Variants in IL17C observed in about 807,000 individuals in gnomAD.
The protein encoded by IL17C is interleukin-17C.
Under a neutral mutation model 11.0 loss-of-function variants are expected in IL17C, and 13 were observed. The observed-to-expected ratio is 1.18, with a 90% CI of 0.77 to 1.88. The LOEUF is 1.88. Among genes scored for constraint, IL17C ranks in the 40% most tolerant of loss-of-function variants. The pLI is 0.00. For missense variants in IL17C, 357 were observed against 278.2 expected, an observed-to-expected ratio of 1.28 and a Z score of -2.01; for synonymous variants, 150 against 125.8, an observed-to-expected ratio of 1.19 and a Z score of -1.29.
rs373470890 is a variant in IL17C, at chr16:88,639,883, C to T, written c.405C>T (p.Ile135=). 271 of 1,606,912 alleles carry T rather than the reference C, an allele frequency of 1.7e-4. 2 individuals are homozygous for T. In the East Asian group the frequency reaches 3.3e-3, roughly 20 times the overall value. The change falls in exon 3 of 3, where the codon ATC becomes ATT. Residue 135 remains isoleucine, a synonymous_variant. Transcript: ENST00000244241. The surrounding 1 kb of genome is among the most constrained non-coding windows in gnomAD (Gnocchi z 5.1). ...CCGAGTGCCTGTGCAGAGGCTGTAT[C>T]GATGCACGGACGGGCCGCGAGACAG... ...AFAECLCRGC[I]DARTGRETAA...
rs1907000034 is a variant in IL17C, at chr16:88,639,671, C to A, written c.336-143C>A. 1 of 1,020,382 alleles carries A rather than the reference C, an allele frequency of 9.8e-7. No individual in the cohort carries two copies. The highest frequency in any genetic ancestry group is 1.4e-6 in the Non-Finnish European group (1 of 726,620). 63.2% of individuals were successfully genotyped at this position (1,020,382 alleles called of 1,614,324 possible). On this transcript the variant is annotated intron_variant, in intron 2 of 2. Coordinates refer to ENST00000244241, the MANE Select transcript of IL17C (RefSeq NM_013278.4). The surrounding 1 kb of genome is among the most constrained non-coding windows in gnomAD (Gnocchi z 5.1). Reference sequence around the variant, plus strand: ...GACGTGGATTACCACCACATGTGAGCCCGACTGCACCCCAAGCCCGTGTGG... The same window carrying A: ...GACGTGGATTACCACCACATGTGAGACCGACTGCACCCCAAGCCCGTGTGG...
Position 88,639,255 on chromosome 16 carries a change from A to T in IL17C, c.281A>T (p.Glu94Val), listed in dbSNP as rs1906986147. The T allele has an allele frequency of 6.2e-7, 1 of 1,612,036 alleles. No individual in the cohort carries two copies. Among genetic ancestry groups the T allele is most frequent in the Non-Finnish European group, 8.5e-7 (1 of 1,179,610 alleles). The change falls in exon 2 of 3, where the codon GAG becomes GTG. Residue 94 changes from glutamate to valine, a missense_variant. By Grantham distance (121) the Glu-to-Val change is moderately radical. Transcript: ENST00000244241. This position sits in a 1 kb window ranked among gnomAD's most constrained non-coding sequence, Gnocchi z 5.1. The stretch of plus-strand genomic sequence containing the variant: ...ACCCAGTGCCCGGTGCTGCGGCCGG[A>T]GGAGGTGTTGGAGGCAGACACCCAC... ...ATTQCPVLRP[E>V]EVLEADTHQR...
intron 1 of IL17C, 147 bp from the exon 2 acceptor site, chr16:88,638,834 G>C (rs1906968649): frequency 3.4e-6 from 4 of 1,162,964 alleles, no homozygotes; most frequent in Non-Finnish European, 5.0e-6. Context: ...TTGGGCTGAA[G>C]GGCTAGCCTC....
In IL17C at chr16:88,639,717, G is replaced by T; in HGVS notation, c.336-97G>T. ...TGTGGCTCAGCCCTCGCTGCCTCAG[G>T]TCCTATCCTGAGTACACGGAGAGGG... On this transcript the variant is annotated intron_variant, in intron 2 of 2. Coordinates refer to ENST00000244241, the MANE Select transcript of IL17C (RefSeq NM_013278.4). The surrounding 1 kb of genome is among the most constrained non-coding windows in gnomAD (Gnocchi z 5.1). The T allele has an allele frequency of 7.2e-7, 1 of 1,391,230 alleles. No homozygotes were observed. Among genetic ancestry groups the T allele is most frequent in the South Asian group, 1.5e-5 (1 of 67,516 alleles). 86.2% of individuals were successfully genotyped at this position (1,391,230 alleles called of 1,614,324 possible).
intron 1 of IL17C, 48 bp downstream of exon 1, chr16:88,638,695 G>A: frequency 1.9e-6 from 3 of 1,612,908 alleles, no homozygotes; most frequent in Non-Finnish European, 2.5e-6. Flanking sequence ...TGGATGTGCA[G>A]CCTGGCATGG....
Position 88,639,375 on chromosome 16 carries a change from G to A in IL17C, c.335+66G>A, listed in dbSNP as rs569238943. 2.3e-3 allele frequency: 3,257 copies of A among 1,419,656 alleles called. 40 individuals carry two copies. Among genetic ancestry groups the A allele is most frequent in the Non-Finnish European group, 1.3e-3 (1,428 of 1,067,242 alleles). 87.9% of individuals were successfully genotyped at this position (1,419,656 alleles called of 1,614,324 possible). ...TCCCCTGGCGGGGCCCTGACTGCCCGGAGAGCTCTCTGGGCCTTGGTGGTT... is the reference window on the plus strand; with the variant it reads ...TCCCCTGGCGGGGCCCTGACTGCCCAGAGAGCTCTCTGGGCCTTGGTGGTT... On this transcript the variant is annotated intron_variant, in intron 2 of 2. Coordinates refer to ENST00000244241, the MANE Select transcript of IL17C (RefSeq NM_013278.4). This position sits in a 1 kb window ranked among gnomAD's most constrained non-coding sequence, Gnocchi z 5.1.
rs184553223 is a variant in IL17C, at chr16:88,638,806, G to A, written c.6+159G>A. 9.0e-4 allele frequency: 1,112 copies of A among 1,240,022 alleles called. 2 individuals carry two copies. The highest frequency in any genetic ancestry group is 1.0e-3 in the Non-Finnish European group (894 of 854,062). The allele number at this position is 1,240,022 out of a possible 1,614,324, so 76.8% of individuals were successfully genotyped here. On this transcript the variant is annotated intron_variant, in intron 1 of 2. Transcript: ENST00000244241. ...GGAGGCAGCTGCAGATCCTCGGAGC[G>A]CTGGCATGCTGGGTGTCTTGGGCTG...
Position 88,639,214 on chromosome 16 carries a change from G to A in IL17C, c.240G>A (p.Glu80=). The change falls in exon 2 of 3, where the codon GAG becomes GAA. Residue 80 remains glutamate (E), a synonymous_variant. Coordinates refer to ENST00000244241, the MANE Select transcript of IL17C (RefSeq NM_013278.4). The surrounding 1 kb of genome is among the most constrained non-coding windows in gnomAD (Gnocchi z 5.1). ...CAGCAAGCCACAGGGGGAGGCACGA[G>A]AGGCCCTCAGCTACGACCCAGTGCC... ...LEAASHRGRH[E]RPSATTQCPV... is the part of the protein sequence containing the mutation. 1.2e-6 allele frequency: 2 copies of A among 1,612,748 alleles called. No homozygotes were observed. Among genetic ancestry groups the A allele is most frequent in the Non-Finnish European group, 1.7e-6 (2 of 1,179,856 alleles).
In IL17C at chr16:88,638,969, C is replaced by T. The variant is rs1191602819; in HGVS notation, c.7-12C>T. 1 of 1,550,754 alleles carries T rather than the reference C, an allele frequency of 6.4e-7. No homozygotes were observed. The highest frequency in any genetic ancestry group is 8.7e-7 in the Non-Finnish European group (1 of 1,146,298). ...GGGCACCTCCTAACCACCCACCTGCCTGTTTCACCAGCTCCTCCCCGGCCT... is the reference window on the plus strand; with the variant it reads ...GGGCACCTCCTAACCACCCACCTGCTTGTTTCACCAGCTCCTCCCCGGCCT... On this transcript the variant is annotated splice_polypyrimidine_tract_variant and intron_variant, in intron 1 of 2. Coordinates refer to ENST00000244241, the MANE Select transcript of IL17C (RefSeq NM_013278.4).
chr16:88,640,274 C>G lies in IL17C; in HGVS notation c.*202C>G, dbSNP rs527875291. ...TGGGGGTAGAAGGAGCTCAGCACCT[C>G]TTCCAGCCCTTAAAGCTGCAGAAAA... On this transcript the variant is annotated 3_prime_UTR_variant, in exon 3 of 3. Coordinates refer to ENST00000244241, the MANE Select transcript of IL17C (RefSeq NM_013278.4). 3.6e-6 allele frequency: 2 copies of G among 551,096 alleles called. No homozygotes were observed. Among genetic ancestry groups the G allele is most frequent in the South Asian group, 5.9e-5 (2 of 34,044 alleles). 34.1% of individuals were successfully genotyped at this position (551,096 alleles called of 1,614,324 possible). A position where few individuals can be genotyped will look rare whatever the true frequency, so the allele number is the denominator to read the frequency against.
rs11465495 is a variant in IL17C, at chr16:88,640,202, C to T, written c.*130C>T. 9 of 1,060,438 alleles carry T rather than the reference C, an allele frequency of 8.5e-6. No individual in the cohort carries two copies. Among genetic ancestry groups the T allele is most frequent in the African/African-American group, 1.6e-5 (1 of 62,380 alleles). 65.7% of individuals were successfully genotyped at this position (1,060,438 alleles called of 1,614,324 possible). On this transcript the variant is annotated 3_prime_UTR_variant, in exon 3 of 3. Transcript: ENST00000244241. ...CTTGGGGTCTGGGCATTCCCCGTGT[C>T]TGGAGGACAGCCCCCCACTGTTCTC...
In IL17C at chr16:88,639,113, G is replaced by T. The variant is rs781390751; in HGVS notation, c.139G>T (p.Ala47Ser). 6.2e-7 allele frequency: 1 copy of T among 1,612,964 alleles called. No individual in the cohort carries two copies. The highest frequency in any genetic ancestry group is 8.5e-7 in the Non-Finnish European group (1 of 1,179,900). Residue 47 changes from alanine to serine, a missense_variant, in exon 2 of 3, where the codon GCC (alanine) becomes TCC (serine). Coordinates refer to ENST00000244241, the MANE Select transcript of IL17C (RefSeq NM_013278.4). This position sits in a 1 kb window ranked among gnomAD's most constrained non-coding sequence, Gnocchi z 5.1. ...GGCTGAGGAACTGCCCCTCGGCCAG[G>T]CCCCCCCACACCTGCTGGCTCGAGG... ...YSAEELPLGQ[A>S]PPHLLARGAK...
In IL17C at chr16:88,639,036, AC is replaced by A; in HGVS notation, c.66del (p.Ser23ProfsTer42). Reference sequence around the variant, plus strand: ...CTGCACACATGCCTGGCCCACCATGACCCCTCCCTCAGGGGGCACCCCCACA... The same window carrying A: ...CTGCACACATGCCTGGCCCACCATGACCCTCCCTCAGGGGGCACCCCCACA... Reference protein sequence around the residue: ...TWLHTCLAHHDPSLRGHPHSH... With the variant: ...TWLHTCLAHHXPSLRGHPHSH... On this transcript the variant is annotated frameshift_variant, in exon 2 of 3. Coordinates refer to ENST00000244241, the MANE Select transcript of IL17C (RefSeq NM_013278.4). The surrounding 1 kb of genome is among the most constrained non-coding windows in gnomAD (Gnocchi z 5.1). 6.2e-7 allele frequency: 1 copy of A among 1,607,222 alleles called. No homozygotes were observed. Among genetic ancestry groups the A allele is most frequent in the Non-Finnish European group, 8.5e-7 (1 of 1,176,264 alleles).
At chr16:88,638,829 C>A in intron 1 of IL17C, 152 bp from the exon 2 acceptor site, 1 of 1,179,078 alleles carries the variant, frequency 8.5e-7, no homozygotes, top group Non-Finnish European at 1.2e-6. Context: ...GTGTCTTGGG[C>A]TGAAGGGCTA....
rs11076688 is a variant in IL17C, at chr16:88,639,922, C to T, written c.444C>T (p.Ser148=). 156,239 of 1,610,172 alleles carry T rather than the reference C, an allele frequency of 0.097. 8,230 individuals are homozygous for T. The highest frequency in any genetic ancestry group is 0.12 in the Admixed American group (7,443 of 59,872). The change falls in exon 3 of 3, where the codon TCC becomes TCT. Residue 148 remains serine (S), a synonymous_variant. Coordinates refer to ENST00000244241, the MANE Select transcript of IL17C (RefSeq NM_013278.4). This position sits in a 1 kb window ranked among gnomAD's most constrained non-coding sequence, Gnocchi z 5.1. ...RTGRETAALN[S]VRLLQSLLVL... is the part of the protein sequence containing the mutation. The stretch of plus-strand genomic sequence containing the variant: ...GCCGCGAGACAGCTGCGCTCAACTC[C>T]GTGCGGCTGCTCCAGAGCCTGCTGG...
rs981300721 is a variant in IL17C, at chr16:88,639,525, C to T, written c.335+216C>T. On this transcript the variant is annotated intron_variant, in intron 2 of 2. Coordinates refer to ENST00000244241, the MANE Select transcript of IL17C (RefSeq NM_013278.4). The surrounding 1 kb of genome is among the most constrained non-coding windows in gnomAD (Gnocchi z 5.1). ...CCACTGTCCTAGGTGGCCAGGGTCC[C>T]CTGGGGAAATTCTGGGCCCGTCACC... 2.6e-5 allele frequency among the ~76,000 whole-genome samples: 4 copies of T among 152,164 alleles called. No homozygotes were observed. The highest frequency in any genetic ancestry group is 9.7e-5 in the African/African-American group (4 of 41,436).
chr16:88,639,385 C>T lies in IL17C; in HGVS notation c.335+76C>T. The T allele has an allele frequency of 7.2e-7, 1 of 1,396,308 alleles. No individual in the cohort carries two copies. The highest frequency in any genetic ancestry group is 9.5e-7 in the Non-Finnish European group (1 of 1,052,104). 86.5% of individuals were successfully genotyped at this position (1,396,308 alleles called of 1,614,324 possible). On this transcript the variant is annotated intron_variant, in intron 2 of 2. Coordinates refer to ENST00000244241, the MANE Select transcript of IL17C (RefSeq NM_013278.4). The surrounding 1 kb of genome is among the most constrained non-coding windows in gnomAD (Gnocchi z 5.1). ...GGGCCCTGACTGCCCGGAGAGCTCT[C>T]TGGGCCTTGGTGGTTCTCACCTGTC...
rs751756814 is a variant in IL17C, at chr16:88,639,004, G to C, written c.30G>C (p.Leu10=). 2.2e-5 allele frequency: 35 copies of C among 1,584,256 alleles called. No homozygotes were observed. The highest frequency in any genetic ancestry group is 3.0e-5 in the Non-Finnish European group (35 of 1,162,486). ...AGCTCCTCCCCGGCCTCCTGTTTCT[G>C]ACCTGGCTGCACACATGCCTGGCCC... is the stretch of plus-strand genomic sequence containing the variant. MTLLPGLLF[L]TWLHTCLAHH... Residue 10 remains leucine (L), a synonymous_variant, in exon 2 of 3, where the codon CTG becomes CTC. Coordinates refer to ENST00000244241, the MANE Select transcript of IL17C (RefSeq NM_013278.4). This position sits in a 1 kb window ranked among gnomAD's most constrained non-coding sequence, Gnocchi z 5.1.
chr16:88,639,364 C>G lies in IL17C; in HGVS notation c.335+55C>G. ...GGGGCTGCCCCTCCCCTGGCGGGGC[C>G]CTGACTGCCCGGAGAGCTCTCTGGG... On this transcript the variant is annotated intron_variant, in intron 2 of 2. Transcript: ENST00000244241. The surrounding 1 kb of genome is among the most constrained non-coding windows in gnomAD (Gnocchi z 5.1). 6.9e-7 allele frequency: 1 copy of G among 1,452,732 alleles called. No homozygotes were observed. Among genetic ancestry groups the G allele is most frequent in the Non-Finnish European group, 9.2e-7 (1 of 1,092,152 alleles). The allele number at this position is 1,452,732 out of a possible 1,614,324, so 90.0% of individuals were successfully genotyped here.
Sources: allele counts gnomAD v4.1 joint callset (sites outside exome capture counted in the v4.1 genomes callset), GRCh38; gene constraint gnomAD v4.1.1; non-coding constraint Gnocchi (gnomAD v3.1); transcripts MANE v1.5; gene names NCBI Gene and HGNC (gene_info 2026-07-23, HGNC 2026-07-21).